Variants in PLOD2 observed in about 807,000 individuals in gnomAD.
PLOD2 encodes the protein lysine hydroxylase 2.
A neutral mutation model predicts 101.0 loss-of-function variants in PLOD2; 65 were observed. That is an observed-to-expected ratio of 0.64 (90% CI 0.53 to 0.79). The LOEUF (loss-of-function observed/expected upper bound fraction) is 0.79. Among genes scored for constraint, PLOD2 ranks in the 30% least tolerant of loss-of-function variants. The pLI is 0.00. For synonymous variants in PLOD2, 314 were observed against 302.9 expected, an observed-to-expected ratio of 1.04 and a Z score of -0.38; for missense variants, 909 against 914.6, an observed-to-expected ratio of 0.99 and a Z score of 0.08.
chr3:146,083,179 C>T (rs1936622950), intron 11 of PLOD2, among the ~76,000 whole-genome samples: 2 of 152,194 alleles, frequency 1.3e-5, no homozygotes, highest in Non-Finnish European at 2.9e-5. Flanking sequence ...CAAAATTCAT[C>T]TGCTGTATAC....
intron 7 of PLOD2, among the ~76,000 whole-genome samples, chr3:146,096,891 A>AG (rs1203412498): frequency 2.7e-5 from 2 of 74,546 alleles, no homozygotes; most frequent in Admixed American, 1.2e-4. Context: ...GGGGGGGGGG[A>AG]GTCGGCCAGC....
chr3:146,077,116 C>A (rs1314829207), intron 14 of PLOD2: 2 of 1,180,646 alleles, frequency 1.7e-6, no homozygotes, highest in Non-Finnish European at 1.0e-6. Flanking sequence ...CACTGACACT[C>A]AACTGAAAAA....
At chr3:146,138,054 CAAA>C (rs1559868231) in intron 1 of PLOD2, among the ~76,000 whole-genome samples, 2 of 152,006 alleles carry the variant, frequency 1.3e-5, no homozygotes, top group African/African-American at 4.8e-5. Context: ...TGGTTAATTG[CAAA>C]TTACCATTTA....
At chr3:146,080,952 G>C (rs532304093) in intron 12 of PLOD2, among the ~76,000 whole-genome samples, 95 of 151,682 alleles carry the variant, frequency 6.3e-4, no homozygotes, top group African/African-American at 2.2e-3. Context: ...AGAAACGTGT[G>C]CCTTTTTTTT....
chr3:146,130,136 A>G (rs2030824639), intron 1 of PLOD2, among the ~76,000 whole-genome samples: 1 of 151,964 alleles, frequency 6.6e-6, no homozygotes, highest in African/African-American at 2.4e-5. Context: ...ATTGGCCTGT[A>G]TTTTTATTTT....
At chr3:146,111,991 T>TG (rs1937653864) in intron 3 of PLOD2, among the ~76,000 whole-genome samples, 2 of 152,052 alleles carry the variant, frequency 1.3e-5, no homozygotes, top group South Asian at 4.1e-4. Context: ...TGCCTGGAGA[T>TG]GGGGAAAAAT....
At chr3:146,075,244 G>A (rs1325063023) in intron 15 of PLOD2, among the ~76,000 whole-genome samples, 1 of 151,456 alleles carries the variant, frequency 6.6e-6, no homozygotes, top group Admixed American at 6.6e-5. Flanking sequence ...AATATTCAGA[G>A]ACTACTACAT....
intron 9 of PLOD2, 28 bp from the exon 10 acceptor site, chr3:146,086,936 T>C (rs765824630): frequency 1.5e-6 from 2 of 1,366,440 alleles, no homozygotes; most frequent in East Asian, 2.4e-5. Flanking sequence ...AATCAAAAAT[T>C]AGAGAATAAG....
At chr3:146,071,486 GTAT>G in intron 17 of PLOD2, 63 bp from the exon 18 acceptor site, 1 of 1,491,942 alleles carries the variant, frequency 6.7e-7, no homozygotes, top group Admixed American at 1.7e-5. Context: ...TTATATTATA[GTAT>G]TTTTTTTCAA....
At position 146,071,634 on chromosome 3, in the gene PLOD2, G is replaced by T. The variant is rs144751051; in HGVS notation, c.1849-211C>A. Among the ~76,000 whole-genome samples the T allele has an allele frequency of 1.3e-3, 190 of 151,772 alleles. 1 individual carries two copies. Among genetic ancestry groups the T allele is most frequent in the Middle Eastern group, 6.8e-3 (2 of 294 alleles). The stretch of plus-strand genomic sequence containing the variant: ...CAATGACGAAACAAAGTAATGTAAG[G>T]TCAGTAGACTCCTTTCCTACTTCTT... On this transcript the variant is annotated intron_variant, in intron 17 of 19. Transcript: ENST00000282903.
At chr3:146,100,614 A>C (rs1937352815) in intron 7 of PLOD2, among the ~76,000 whole-genome samples, 1 of 152,166 alleles carries the variant, frequency 6.6e-6, no homozygotes, top group Non-Finnish European at 1.5e-5. Flanking sequence ...TGTACAGAAG[A>C]TTTGTAGACA....
At chr3:146,136,831 T>C (rs1040769593) in intron 1 of PLOD2, among the ~76,000 whole-genome samples, 2 of 152,226 alleles carry the variant, frequency 1.3e-5, no homozygotes, top group South Asian at 2.1e-4. Context: ...AGCTACACCA[T>C]CTAGGTTTAC....
intron 1 of PLOD2, among the ~76,000 whole-genome samples, chr3:146,133,195 G>A (rs562211803): frequency 2.0e-5 from 3 of 151,978 alleles, no homozygotes; most frequent in Admixed American, 1.3e-4. Context: ...AAAATAAAAG[G>A]CTCCATTTTC....
At chr3:146,112,697 A>C (rs1937699563) in intron 3 of PLOD2, among the ~76,000 whole-genome samples, 1 of 151,988 alleles carries the variant, frequency 6.6e-6, no homozygotes, top group Admixed American at 6.6e-5. Flanking sequence ...CTAAAAATAC[A>C]AAAATTAGCT....
Position 146,071,395 on chromosome 3 carries a change from T to C in PLOD2, c.1877A>G (p.Asn626Ser), listed in dbSNP as rs1936125929. Residue 626 changes from asparagine (N) to serine (S), a missense_variant, in exon 18 of 20, where the codon AAT becomes AGT. Coordinates refer to ENST00000282903, the MANE Select transcript of PLOD2 (RefSeq NM_182943.3). ...CATGTGGATATCATCAGTTGGGACA[T>C]TTTCATAACCACCAGATATACGGCT... is the stretch of plus-strand genomic sequence containing the variant. ...HDSRISGGYE[N>S]VPTDDIHMKQ... The C allele has an allele frequency of 6.2e-7, 1 of 1,611,924 alleles. No homozygotes were observed. Among genetic ancestry groups the C allele is most frequent in the Non-Finnish European group, 8.5e-7 (1 of 1,178,536 alleles).
At position 146,071,399 on chromosome 3, in the gene PLOD2, C is replaced by A. The variant is rs773312441; in HGVS notation, c.1873G>T (p.Glu625Ter). ...TGGATATCATCAGTTGGGACATTTT[C>A]ATAACCACCAGATATACGGCTATCC... Reference protein sequence around the residue: ...HHDSRISGGYENVPTDDIHMK... With the variant: ...HHDSRISGGY Residue 625 changes from glutamate to a stop codon, truncating the protein, a stop_gained, in exon 18 of 20, where the codon GAA (glutamate) becomes TAA (stop). Coordinates refer to ENST00000282903, the MANE Select transcript of PLOD2 (RefSeq NM_182943.3). LOFTEE classifies it high-confidence loss of function. 10 of 1,611,870 alleles carry A rather than the reference C, an allele frequency of 6.2e-6. No individual in the cohort carries two copies. Among genetic ancestry groups the A allele is most frequent in the Non-Finnish European group, 8.5e-6 (10 of 1,178,532 alleles).
chr3:146,116,690 T>C (rs9878166), intron 3 of PLOD2, among the ~76,000 whole-genome samples: 78,362 of 151,942 alleles, frequency 0.52, 20,310 homozygotes, highest in Middle Eastern at 0.56. Context: ...TTTGCAACAA[T>C]AAAATGGTTA....
At chr3:146,088,755 G>T in intron 8 of PLOD2, 44 bp from the exon 9 acceptor site, 1 of 1,481,622 alleles carries the variant, frequency 6.7e-7, no homozygotes, top group South Asian at 1.2e-5. Context: ...TCATTAGTAT[G>T]GTTTTGTTTT....
chr3:146,088,829 C>G, intron 8 of PLOD2, 118 bp from the exon 9 acceptor site: 4 of 910,788 alleles, frequency 4.4e-6, no homozygotes, highest in Non-Finnish European at 6.8e-6. Flanking sequence ...TCAACATAAT[C>G]TGCTAAATTT....
Sources: gnomAD v4.1 joint callset for allele counts (sites outside exome capture counted in the v4.1 genomes callset) on GRCh38, gnomAD v4.1.1 for gene constraint, MANE v1.5 for transcripts, NCBI Gene and HGNC (gene_info 2026-07-23, HGNC 2026-07-21) for gene names.